GDA: variants seen among roughly 807,000 people sequenced by gnomAD.
GDA encodes the protein guanine deaminase.
GDA carries 18 observed loss-of-function variants against 59.6 expected under a neutral mutation model. The ratio of observed to expected loss-of-function variants is 0.30; its 90% CI spans 0.21 to 0.45. The LOEUF (loss-of-function observed/expected upper bound fraction) is 0.45, where lower values mean the gene tolerates loss of function less well. Among genes scored for constraint, GDA ranks in the 20% least tolerant of loss-of-function variants. GDA has a pLI of 1.00. For synonymous variants in GDA, 201 were observed against 201.1 expected, an observed-to-expected ratio of 1.00 and a Z score of 0.00; for missense variants, 427 against 552.3, an observed-to-expected ratio of 0.77 and a Z score of 2.27.
At chr9:72,179,741 A>G (rs1830953816) in intron 1 of GDA, among the ~76,000 whole-genome samples, 1 of 152,182 alleles carries the variant, frequency 6.6e-6, no homozygotes, top group Non-Finnish European at 1.5e-5. Context: ...GAATCAGCAG[A>G]GTTGGTTTCT....
chr9:72,241,141 AC>A lies in GDA; in HGVS notation c.989-9del. On this transcript the variant is annotated splice_polypyrimidine_tract_variant and intron_variant, in intron 10 of 13. Transcript: ENST00000358399. Reference sequence around the variant, plus strand: ...AAGGTTACTGTTTTGGTTTTATTTTACCTACTGCAGACGTGGCTGGTGGCTA... The same window carrying A: ...AAGGTTACTGTTTTGGTTTTATTTTACTACTGCAGACGTGGCTGGTGGCTA... 1 of 1,582,638 alleles carries A rather than the reference AC, an allele frequency of 6.3e-7. No individual in the cohort carries two copies. Among genetic ancestry groups the A allele is most frequent in the Non-Finnish European group, 8.6e-7 (1 of 1,156,526 alleles).
rs1344231898 is a variant in GDA at position 72,127,562 on chromosome 9, A to G, written c.-100+12729A>G. On this transcript the variant is annotated intron_variant, in intron 1 of 13. Transcript: ENST00000545168. Reference sequence around the variant, plus strand: ...TGAGGCAGGAGAATCGCTTGAACCCAGGAGGTGGAGGTTGCAGTGAGCCAA... The same window carrying G: ...TGAGGCAGGAGAATCGCTTGAACCCGGGAGGTGGAGGTTGCAGTGAGCCAA... Among the ~76,000 whole-genome samples the G allele has an allele frequency of 5.9e-5, 9 of 151,456 alleles. No individual in the cohort carries two copies. The East Asian group carries it at 1.6e-3, about 26-fold the overall frequency.
chr9:72,123,044 G>A (rs2130581814), intron 1 of GDA, among the ~76,000 whole-genome samples: 1 of 152,252 alleles, frequency 6.6e-6, no homozygotes, highest in East Asian at 1.9e-4. Flanking sequence ...TCTCACCAAA[G>A]CAGTATTTAT....
At chr9:72,169,408 G>A (rs1280921409) in intron 1 of GDA, among the ~76,000 whole-genome samples, 3 of 152,168 alleles carry the variant, frequency 2.0e-5, no homozygotes, top group African/African-American at 7.2e-5. Context: ...CTGTGAAGAG[G>A]ACATAGATAA....
At chr9:72,256,663 A>T (rs544788682), downstream of GDA, among the ~76,000 whole-genome samples, 54 of 152,354 alleles carry the variant, frequency 3.5e-4, no homozygotes, top group African/African-American at 1.2e-3. Flanking sequence ...GAAAAGTAAG[A>T]TAAGAATGAA....
chr9:72,195,520 A>G lies in GDA; in HGVS notation c.144A>G (p.Ala48=), dbSNP rs916240184. 8.4e-6 allele frequency: 13 copies of G among 1,539,532 alleles called. No homozygotes were observed. The highest frequency in any genetic ancestry group is 1.2e-5 in the Non-Finnish European group (13 of 1,119,320). ...TAAAGATAGTGTTTTTAGAAGAAGC[A>G]TCTCAACAGGAAAAACTGGCCAAAG... is the stretch of plus-strand genomic sequence containing the variant. ...DSGKIVFLEE[A]SQQEKLAKEW... The change falls in exon 2 of 14, where the codon GCA becomes GCG. Residue 48 remains alanine, a synonymous_variant. Coordinates refer to ENST00000358399, the MANE Select transcript of GDA (RefSeq NM_004293.5).
At chr9:72,165,055 A>C (rs1320208426) in intron 1 of GDA, among the ~76,000 whole-genome samples, 2 of 151,700 alleles carry the variant, frequency 1.3e-5, no homozygotes, top group African/African-American at 4.8e-5. Flanking sequence ...GTTTCTGTGA[A>C]TCTTTAAATT....
chr9:72,134,278 A>G lies in GDA; in HGVS notation c.-100+19445A>G, dbSNP rs766468873. ...ATTTAATGTTTATCACAATTCCTTC[A>G]TCTGTAAAATGCAAGGTACTATGCC... On this transcript the variant is annotated intron_variant, in intron 1 of 13. Coordinates refer to the GDA transcript ENST00000545168. Among the ~76,000 whole-genome samples the G allele has an allele frequency of 1.1e-3, 167 of 152,256 alleles. 1 individual carries two copies. Among genetic ancestry groups the G allele is most frequent in the Non-Finnish European group, 4.0e-4 (27 of 68,020 alleles).
At position 72,213,609 on chromosome 9, in the gene GDA, T is replaced by C. The variant is rs59743490; in HGVS notation, c.473-277T>C. Among the ~76,000 whole-genome samples, 1,177 of 151,288 alleles carry C rather than the reference T, an allele frequency of 7.8e-3. 10 individuals carry two copies. The highest frequency in any genetic ancestry group is 0.035 in the East Asian group (178 of 5,112). ...ACAAGGTCAGGAGATCGAGACCATC[T>C]TGGCTAACACGGTGAAACCCCGTCT... On this transcript the variant is annotated intron_variant, in intron 4 of 13. Transcript: ENST00000358399.
intron 1 of GDA, among the ~76,000 whole-genome samples, chr9:72,170,857 C>T (rs1281179110): frequency 6.6e-6 from 1 of 152,114 alleles, no homozygotes; most frequent in Non-Finnish European, 1.5e-5. Flanking sequence ...GCTCTGTCAC[C>T]TTGGCTGTAG....
chr9:72,135,955 C>T (rs184333535), intron 1 of GDA, among the ~76,000 whole-genome samples: 3 of 152,040 alleles, frequency 2.0e-5, no homozygotes, highest in East Asian at 2.0e-4. Flanking sequence ...TCTCTAACTT[C>T]GGGTATTACA....
chr9:72,174,919 C>G (rs1830383593), intron 1 of GDA, among the ~76,000 whole-genome samples: 1 of 151,946 alleles, frequency 6.6e-6, no homozygotes, highest in African/African-American at 2.4e-5. Context: ...GAAAAGTGTT[C>G]CATCCAGAGG....
intron 1 of GDA, among the ~76,000 whole-genome samples, chr9:72,125,566 A>G (rs956673549): frequency 1.3e-5 from 2 of 152,182 alleles, no homozygotes; most frequent in African/African-American, 4.8e-5. Context: ...AAATAAAATC[A>G]TGTACTTAGA....
At chr9:72,129,869 T>A (rs1825966611) in intron 1 of GDA, among the ~76,000 whole-genome samples, 1 of 152,122 alleles carries the variant, frequency 6.6e-6, no homozygotes, top group Non-Finnish European at 1.5e-5. Context: ...AGTTGTGTAT[T>A]TAAAGTCCCA....
intron 1 of GDA, among the ~76,000 whole-genome samples, chr9:72,173,512 G>A (rs909454191): frequency 6.6e-5 from 10 of 151,694 alleles, no homozygotes; most frequent in Admixed American, 1.3e-4. Context: ...TATATTTTTC[G>A]GAGGGGCAGG....
chr9:72,134,791 G>T (rs1386513836), intron 1 of GDA, among the ~76,000 whole-genome samples: 1 of 152,166 alleles, frequency 6.6e-6, no homozygotes, highest in Admixed American at 6.5e-5. Flanking sequence ...AGAGTACATA[G>T]AATTGAATTA....
At chr9:72,220,108 A>T (rs1836680344) in intron 6 of GDA, among the ~76,000 whole-genome samples, 1 of 152,230 alleles carries the variant, frequency 6.6e-6, no homozygotes, top group Non-Finnish European at 1.5e-5. Flanking sequence ...AACCATAAAA[A>T]GGAAGGAAAT....
At chr9:72,137,771 AC>A (rs113933193) in intron 1 of GDA, among the ~76,000 whole-genome samples, 4 of 150,724 alleles carry the variant, frequency 2.7e-5, no homozygotes, top group African/African-American at 9.8e-5. Flanking sequence ...GTCATAACCC[AC>A]CCCCCCACCT....
chr9:72,161,350 T>C (rs1828613517), intron 1 of GDA, among the ~76,000 whole-genome samples: 1 of 152,206 alleles, frequency 6.6e-6, no homozygotes, highest in African/African-American at 2.4e-5. Context: ...CTCTGATGAA[T>C]ATTTCTTCAA....
Sources: allele counts gnomAD v4.1 joint callset (sites outside exome capture counted in the v4.1 genomes callset), GRCh38; gene constraint gnomAD v4.1.1; transcripts MANE v1.5; gene names NCBI Gene and HGNC (gene_info 2026-07-23, HGNC 2026-07-21).